The following CHD7 variants were observed in gnomAD, a reference collection of about 807,000 sequenced individuals.
The protein encoded by CHD7 is ATP-dependent chromatin remodeler CHD7.
CHD7 carries 24 observed loss-of-function variants against 307.3 expected under a neutral mutation model. The observed-to-expected ratio is 0.08, with a 90% CI of 0.06 to 0.11. The LOEUF (loss-of-function observed/expected upper bound fraction) is 0.11, where lower values mean the gene tolerates loss of function less well. CHD7 is among the 10% of genes least tolerant of loss of function. The probability of loss-of-function intolerance (pLI) is 1.00; values close to 1 mark genes in which losing one functional copy is unlikely to be tolerated. For synonymous variants in CHD7, 1,363 were observed against 1,349.9 expected (o/e 1.01, Z -0.21); for missense variants, 3,106 against 3,727.1 (o/e 0.83, Z 4.34).
At chr8:60,820,873 C>T (rs1173063548) in intron 9 of CHD7, among the ~76,000 whole-genome samples, 2 of 152,094 alleles carry the variant, frequency 1.3e-5, no homozygotes, top group Non-Finnish European at 2.9e-5. Flanking sequence ...CTTAGTTATA[C>T]TTCAAAAAAT....
rs111644360 is a variant in CHD7 at position 60,866,498 on chromosome 8, A to T, written c.*565A>T. 49 of 152,650 alleles carry T rather than the reference A, an allele frequency of 3.2e-4. No homozygotes were observed. Among genetic ancestry groups the T allele is most frequent in the African/African-American group, 1.1e-3 (47 of 41,540 alleles). 9.5% of individuals were successfully genotyped at this position (152,650 alleles called of 1,614,324 possible). ...AACGCCTCTGTCCCGAGGCGCAGCA[A>T]TAATAAGGCAGCTGTTGAATGTGAA... On this transcript the variant is annotated 3_prime_UTR_variant, in exon 38 of 38. Transcript: ENST00000423902.
At chr8:60,763,570 G>A (rs571377292) in intron 2 of CHD7, among the ~76,000 whole-genome samples, 1 of 152,250 alleles carries the variant, frequency 6.6e-6, no homozygotes, top group Non-Finnish European at 1.5e-5. Context: ...ACAATGCAAG[G>A]TTTATTTCTT....
intron 1 of CHD7, among the ~76,000 whole-genome samples, chr8:60,679,330 G>A (rs936523358): frequency 1.4e-5 from 2 of 146,582 alleles, no homozygotes; most frequent in African/African-American, 4.9e-5. Context: ...GCGCCGCCCG[G>A]CGCCCCAACT....
intron 1 of CHD7, among the ~76,000 whole-genome samples, chr8:60,704,381 G>A (rs1191208917): frequency 6.6e-6 from 1 of 151,946 alleles, no homozygotes; most frequent in African/African-American, 2.4e-5. Context: ...GAGCAGTGAT[G>A]TCATGGAGTG....
intron 2 of CHD7, among the ~76,000 whole-genome samples, chr8:60,754,911 A>C (rs1809816981): frequency 6.6e-6 from 1 of 152,192 alleles, no homozygotes; most frequent in African/African-American, 2.4e-5. Flanking sequence ...AGTCTTTGTT[A>C]AGTATAATTT....
chr8:60,780,891 G>A (rs1037432455), intron 2 of CHD7, 109 bp from the exon 3 acceptor site: 31 of 1,299,488 alleles, frequency 2.4e-5, no homozygotes, highest in Middle Eastern at 5.2e-4. Flanking sequence ...AAAAATATTT[G>A]CTACCTGAGT....
intron 1 of CHD7, among the ~76,000 whole-genome samples, chr8:60,682,172 A>G (rs183996377): frequency 7.2e-5 from 11 of 152,346 alleles, no homozygotes; most frequent in African/African-American, 2.6e-4. Context: ...TTAAAATAGT[A>G]CTTTTATAGA....
At chr8:60,834,417 C>G (rs958205640) in intron 15 of CHD7, among the ~76,000 whole-genome samples, 1 of 152,150 alleles carries the variant, frequency 6.6e-6, no homozygotes, top group East Asian at 1.9e-4. Context: ...TGAAAGATAC[C>G]TAATGTAACG....
At chr8:60,683,259 T>G (rs1369988567) in intron 1 of CHD7, among the ~76,000 whole-genome samples, 3 of 152,242 alleles carry the variant, frequency 2.0e-5, no homozygotes, top group Non-Finnish European at 4.4e-5. Context: ...GTGACTAATG[T>G]TAAAATATAA....
In CHD7 at chr8:60,728,547, A is replaced by T. The variant is rs1332700942; in HGVS notation, c.-174-12712A>T. Among the ~76,000 whole-genome samples the T allele has an allele frequency of 2.6e-5, 4 of 152,088 alleles. No individual in the cohort carries two copies. In the East Asian group the frequency reaches 7.7e-4, roughly 29 times the overall value. On this transcript the variant is annotated intron_variant, in intron 1 of 37. Transcript: ENST00000423902. The stretch of plus-strand genomic sequence containing the variant: ...GCAAGGTCTTTCTTTCTTTTTTTTG[A>T]GACAGTCTCGCTCTGTCGCCCAGGC...
In CHD7 at chr8:60,791,730, C is replaced by A. The variant is rs982471132; in HGVS notation, c.2097-3256C>A. On this transcript the variant is annotated intron_variant, in intron 3 of 37. Transcript: ENST00000423902. ...AGTGGGGAGCTGTTGTGATTAATAGCCTGGGCGGGAAATGATATGTGTCTG... is the reference window on the plus strand; with the variant it reads ...AGTGGGGAGCTGTTGTGATTAATAGACTGGGCGGGAAATGATATGTGTCTG... Among the ~76,000 whole-genome samples the A allele has an allele frequency of 2.0e-5, 3 of 152,130 alleles. 1 individual carries two copies. Among genetic ancestry groups the A allele is most frequent in the South Asian group, 4.1e-4 (2 of 4,826 alleles).
At chr8:60,798,681 T>C (rs1212530647) in intron 4 of CHD7, among the ~76,000 whole-genome samples, 2 of 152,206 alleles carry the variant, frequency 1.3e-5, no homozygotes, top group African/African-American at 4.8e-5. Flanking sequence ...AAAAGTGTTA[T>C]TTCATAATTC....
At chr8:60,694,285 T>A (rs1413088146) in intron 1 of CHD7, among the ~76,000 whole-genome samples, 1 of 152,210 alleles carries the variant, frequency 6.6e-6, no homozygotes, top group African/African-American at 2.4e-5. Context: ...TACTAACTTG[T>A]CGGTATAACT....
intron 1 of CHD7, among the ~76,000 whole-genome samples, chr8:60,723,709 G>A (rs1808026427): frequency 6.6e-6 from 1 of 152,232 alleles, no homozygotes; most frequent in African/African-American, 2.4e-5. Flanking sequence ...TTTTTAGAAT[G>A]CCACCTTATT....
At chr8:60,830,604 C>A in intron 15 of CHD7, 27 bp downstream of exon 15, 1 of 1,604,812 alleles carries the variant, frequency 6.2e-7, no homozygotes, top group Non-Finnish European at 8.5e-7. Flanking sequence ...CGCGAACTTG[C>A]TTAAGTGACG....
intron 1 of CHD7, among the ~76,000 whole-genome samples, chr8:60,697,976 G>C (rs1292044207): frequency 6.6e-6 from 1 of 152,164 alleles, no homozygotes; most frequent in Non-Finnish European, 1.5e-5. Context: ...TTTTTATAGT[G>C]TTAATCTGTC....
intron 6 of CHD7, among the ~76,000 whole-genome samples, chr8:60,803,469 G>A (rs1044690884): frequency 6.6e-6 from 1 of 152,120 alleles, no homozygotes; most frequent in South Asian, 2.1e-4. Context: ...AATAGATACT[G>A]TTAACCATTT....
At chr8:60,727,547 C>T (rs2150555383) in intron 1 of CHD7, among the ~76,000 whole-genome samples, 1 of 152,268 alleles carries the variant, frequency 6.6e-6, no homozygotes, top group East Asian at 1.9e-4. Context: ...AGCATTTGAA[C>T]TGGTTGGTTG....
At chr8:60,694,186 G>A (rs16926398) in intron 1 of CHD7, among the ~76,000 whole-genome samples, 17,290 of 152,256 alleles carry the variant, frequency 0.11, 2,200 homozygotes, top group African/African-American at 0.32. Context: ...TTTGGCTTTT[G>A]GAAATGTAGA....
Sources: gnomAD v4.1 joint callset for allele counts (sites outside exome capture counted in the v4.1 genomes callset) on GRCh38, gnomAD v4.1.1 for gene constraint, MANE v1.5 for transcripts, NCBI Gene and HGNC (gene_info 2026-07-23, HGNC 2026-07-21) for gene names.